The following CORO2B variants were observed in gnomAD, a reference collection of about 807,000 sequenced individuals.
CORO2B encodes coronin 2B.
Under a neutral mutation model 58.8 loss-of-function variants are expected in CORO2B, and 26 were observed. That is an observed-to-expected ratio of 0.44 (90% CI 0.32 to 0.61). The LOEUF is 0.61. CORO2B is among the 20% of genes least tolerant of loss of function. The pLI is 0.04. For missense variants in CORO2B, 460 were observed against 645.1 expected (o/e 0.71, Z 3.11); for synonymous variants, 242 against 253.8 (o/e 0.95, Z 0.44).
intron 11 of CORO2B, among the ~76,000 whole-genome samples, chr15:68,722,838 C>T (rs1300400861): frequency 2.6e-5 from 4 of 152,094 alleles, no homozygotes; most frequent in East Asian, 1.9e-4. Flanking sequence ...GAGGCTGAGG[C>T]GGGAGGATTG....
At position 68,723,062 on chromosome 15, in the gene CORO2B, C is replaced by T. The variant is rs188209284; in HGVS notation, c.1312-2781C>T. ...AGCCTGGGCAACAAGAGTGAAACTCCGTCTCAAAAAAACAAAAACAAAAGG... is the reference window on the plus strand; with the variant it reads ...AGCCTGGGCAACAAGAGTGAAACTCTGTCTCAAAAAAACAAAAACAAAAGG... On this transcript the variant is annotated intron_variant, in intron 11 of 11. Coordinates refer to ENST00000261861, the MANE Select transcript of CORO2B (RefSeq NM_006091.5). Among the ~76,000 whole-genome samples, 418 of 149,892 alleles carry T rather than the reference C, an allele frequency of 2.8e-3. 3 individuals are homozygous for T. Among genetic ancestry groups the T allele is most frequent in the African/African-American group, 9.3e-3 (380 of 41,018 alleles).
chr15:68,669,067 GAA>G (rs1343280361), intron 2 of CORO2B, among the ~76,000 whole-genome samples: 7 of 142,084 alleles, frequency 4.9e-5, no homozygotes, highest in African/African-American at 2.0e-4. Flanking sequence ...AAGAAAGAGA[GAA>G]AGAGAGAGAG....
the CORO2B span, among the ~76,000 whole-genome samples, chr15:68,554,494 C>T: frequency 3.2e-4 from 48 of 152,238 alleles, no homozygotes; most frequent in African/African-American, 1.2e-3. Flanking sequence ...AGGCACCTTC[C>T]TTTTGCAGAA....
At chr15:68,624,543 A>G (rs948960279) in intron 1 of CORO2B, among the ~76,000 whole-genome samples, 9 of 152,150 alleles carry the variant, frequency 5.9e-5, no homozygotes, top group Non-Finnish European at 1.0e-4. Context: ...TGGGCCTAAA[A>G]CTAATATATG....
intron 2 of CORO2B, among the ~76,000 whole-genome samples, chr15:68,660,976 CT>C (rs57270255): frequency 0.21 from 30,866 of 147,158 alleles, 3,175 homozygotes; most frequent in Middle Eastern, 0.23. Flanking sequence ...TGTAATGAGT[CT>C]TTTTTTTTTT....
At chr15:68,639,864 A>T (rs1322263517) in intron 1 of CORO2B, among the ~76,000 whole-genome samples, 1 of 152,206 alleles carries the variant, frequency 6.6e-6, no homozygotes, top group Non-Finnish European at 1.5e-5. Flanking sequence ...AGATTCAAAG[A>T]GAGTGTGTTC....
At chr15:68,552,498 G>A in the CORO2B span, among the ~76,000 whole-genome samples, 8 of 151,852 alleles carry the variant, frequency 5.3e-5, no homozygotes, top group African/African-American at 1.9e-4. Context: ...GGGCCTTGTT[G>A]CTGGGTAACC....
chr15:68,699,982 C>T, intron 3 of CORO2B, among the ~76,000 whole-genome samples: 1 of 152,210 alleles, frequency 6.6e-6, no homozygotes, highest in East Asian at 1.9e-4. Context: ...ACAGGAGAGG[C>T]ATCCCCCGCT....
chr15:68,722,744 T>C (rs1051667234), intron 11 of CORO2B, among the ~76,000 whole-genome samples: 2 of 152,200 alleles, frequency 1.3e-5, no homozygotes, highest in East Asian at 3.9e-4. Context: ...AAAATATTTT[T>C]TTAAGTTATA....
intron 1 of CORO2B, among the ~76,000 whole-genome samples, chr15:68,588,995 C>A (rs1337577740): frequency 6.6e-6 from 1 of 152,190 alleles, no homozygotes; most frequent in African/African-American, 2.4e-5. Flanking sequence ...CAACTGATAA[C>A]TTTATCATCA....
At chr15:68,605,132 A>G (rs1436014183) in intron 1 of CORO2B, among the ~76,000 whole-genome samples, 1 of 152,044 alleles carries the variant, frequency 6.6e-6, no homozygotes, top group Non-Finnish European at 1.5e-5. Context: ...AAAAAAAAAA[A>G]GAAGTTTTGA....
At chr15:68,659,074 AC>A (rs1375024556) in intron 2 of CORO2B, among the ~76,000 whole-genome samples, 1 of 152,234 alleles carries the variant, frequency 6.6e-6, no homozygotes, top group Non-Finnish European at 1.5e-5. Flanking sequence ...ATGCAGTTGG[AC>A]AGTTTAAACT....
At chr15:68,675,885 C>T (rs1013703816) in intron 2 of CORO2B, among the ~76,000 whole-genome samples, 2 of 151,912 alleles carry the variant, frequency 1.3e-5, no homozygotes, top group African/African-American at 4.8e-5. Context: ...AAACCCCAGC[C>T]TTCATGGGGC....
intron 1 of CORO2B, among the ~76,000 whole-genome samples, chr15:68,593,842 A>AG (rs1214583212): frequency 6.6e-6 from 1 of 152,108 alleles, no homozygotes; most frequent in Non-Finnish European, 1.5e-5. Flanking sequence ...GGCTTCATGG[A>AG]GGAGGTGGCA....
In CORO2B at chr15:68,650,624, A is replaced by G. The variant is rs138800882; in HGVS notation, c.216+5264A>G. 4.5e-3 allele frequency among the ~76,000 whole-genome samples: 692 copies of G among 152,314 alleles called. 3 individuals are homozygous for G. Among genetic ancestry groups the G allele is most frequent in the Non-Finnish European group, 7.5e-3 (513 of 68,032 alleles). ...AGACTCCGTCTCAAAAACAAAAACT[A>G]TCTGTTTACCTATCTGGAAGCGACT... On this transcript the variant is annotated intron_variant, in intron 2 of 11. Transcript: ENST00000261861.
the CORO2B span, among the ~76,000 whole-genome samples, chr15:68,564,032 T>TA: frequency 3.3e-5 from 5 of 152,174 alleles, no homozygotes; most frequent in Non-Finnish European, 7.4e-5. Context: ...ACTACCCTGA[T>TA]ACGAAATCCA....
intron 2 of CORO2B, among the ~76,000 whole-genome samples, chr15:68,676,664 G>T (rs916130868): frequency 1.3e-5 from 2 of 152,218 alleles, no homozygotes; most frequent in Non-Finnish European, 2.9e-5. Flanking sequence ...GCTAGCATGC[G>T]CACACCGCAG....
chr15:68,607,297 ATCTACACATGGTG>A (rs1900148966), intron 1 of CORO2B, among the ~76,000 whole-genome samples: 1 of 152,132 alleles, frequency 6.6e-6, no homozygotes, highest in East Asian at 1.9e-4. Flanking sequence ...TGACTGGAGC[ATCTACACATGGTG>A]TCTCCACATG....
the CORO2B span, among the ~76,000 whole-genome samples, chr15:68,560,126 G>GCTGGGGGCTGC: frequency 6.6e-6 from 1 of 152,150 alleles, no homozygotes; most frequent in Non-Finnish European, 1.5e-5. Context: ...TCAGGCATTG[G>GCTGGGGGCTGC]CTGGGGGCTG....
Sources: allele counts gnomAD v4.1 joint callset (sites outside exome capture counted in the v4.1 genomes callset), GRCh38; gene constraint gnomAD v4.1.1; transcripts MANE v1.5; gene names NCBI Gene and HGNC (gene_info 2026-07-23, HGNC 2026-07-21).